The following KCNJ2 variants were observed in gnomAD, a reference collection of about 807,000 sequenced individuals.
KCNJ2 encodes the protein inward rectifier potassium channel 2.
A neutral mutation model predicts 28.4 loss-of-function variants in KCNJ2; 12 were observed. The ratio of observed to expected loss-of-function variants is 0.42; its 90% CI spans 0.27 to 0.68. KCNJ2 has a LOEUF of 0.68. KCNJ2 is among the 30% of genes least tolerant of loss of function. The probability of loss-of-function intolerance (pLI) is 0.23; values close to 1 mark genes in which losing one functional copy is unlikely to be tolerated. For synonymous variants in KCNJ2, 200 were observed against 203.2 expected (o/e 0.98, Z 0.13); for missense variants, 320 against 551.3 (o/e 0.58, Z 4.20).
rs1019333927 is a variant in KCNJ2 at position 70,178,254 on chromosome 17, ATTT to A, written c.*1934_*1936del. Reference sequence around the variant, plus strand: ...ATGCCGTGCCTGCAAAACTATGACAATTTTTGCTGTTTTCAGCCTTCAGATTTG... The same window carrying A: ...ATGCCGTGCCTGCAAAACTATGACAATTGCTGTTTTCAGCCTTCAGATTTG... On this transcript the variant is annotated 3_prime_UTR_variant, in exon 2 of 2. Transcript: ENST00000243457. 2 of 166,590 alleles carry A rather than the reference ATTT, an allele frequency of 1.2e-5. No individual in the cohort carries two copies. The highest frequency in any genetic ancestry group is 2.9e-5 in the Non-Finnish European group (2 of 68,034). The allele number at this position is 166,590 out of a possible 1,614,324, so 10.3% of individuals were successfully genotyped here. A position where few individuals can be genotyped will look rare whatever the true frequency, so the allele number is the denominator to read the frequency against.
Position 70,175,938 on chromosome 17 carries a change from G to C in KCNJ2, c.899G>C (p.Gly300Ala), listed in dbSNP as rs104894579. The change falls in exon 2 of 2, where the codon GGC (glycine) becomes GCC (alanine). Residue 300 changes from glycine to alanine, a missense_variant. Gly to Ala is a moderately conservative substitution (Grantham distance 60). This residue lies in a region of KCNJ2 where 155 missense variants were observed against 231.6 expected (regional missense o/e 0.67). Transcript: ENST00000243457. The surrounding 1 kb of genome is among the most constrained non-coding windows in gnomAD (Gnocchi z 8.3). ...ADFEIVVILE[G>A]MVEATAMTTQ... ...TTTGAAATCGTGGTCATACTGGAAG[G>C]CATGGTGGAAGCCACTGCCATGACG... 1 of 1,614,098 alleles carries C rather than the reference G, an allele frequency of 6.2e-7. No homozygotes were observed. Among genetic ancestry groups the C allele is most frequent in the Non-Finnish European group, 8.5e-7 (1 of 1,180,026 alleles).
Position 70,177,555 on chromosome 17 carries a change from T to C in KCNJ2, c.*1232T>C. ...ACTGTCAGGACATCACCAGCCCACC[T>C]TCACCTTAGGGAAGATGCCACACCT... is the stretch of plus-strand genomic sequence containing the variant. On this transcript the variant is annotated 3_prime_UTR_variant, in exon 2 of 2. Transcript: ENST00000243457. 1 of 167,344 alleles carries C rather than the reference T, an allele frequency of 6.0e-6. No individual in the cohort carries two copies. 10.4% of individuals were successfully genotyped at this position (167,344 alleles called of 1,614,324 possible).
At chr17:70,173,805 A>G (rs2074377224) in intron 1 of KCNJ2, among the ~76,000 whole-genome samples, 1 of 152,172 alleles carries the variant, frequency 6.6e-6, no homozygotes, top group African/African-American at 2.4e-5. Flanking sequence ...ACATGAAATG[A>G]GTTCCTGCCT....
In KCNJ2 at chr17:70,169,647, G is replaced by C. The variant is rs933483316; in HGVS notation, c.-271G>C. On this transcript the variant is annotated 5_prime_UTR_variant, in exon 1 of 2. An upstream start codon of the reference 5' UTR is lost. Transcript: ENST00000243457. ...TTTTACAAACCACTGGATCTTACATGCCTCTGTACCCCCCACTTCCACTCC... is the reference window on the plus strand; with the variant it reads ...TTTTACAAACCACTGGATCTTACATCCCTCTGTACCCCCCACTTCCACTCC... The C allele has an allele frequency of 6.6e-6, 1 of 152,458 alleles. No individual in the cohort carries two copies. The highest frequency in any genetic ancestry group is 2.4e-5 in the African/African-American group (1 of 41,472). The allele number at this position is 152,458 out of a possible 1,614,324, so 9.4% of individuals were successfully genotyped here. A position where few individuals can be genotyped will look rare whatever the true frequency, so the allele number is the denominator to read the frequency against.
At position 70,177,730 on chromosome 17, in the gene KCNJ2, A is replaced by G. The variant is rs559939163; in HGVS notation, c.*1407A>G. ...GATCAAGTGCTTAGGAAGGAGAGGA[A>G]ACTTGCCTTTTTTATGGCAGAGGAT... On this transcript the variant is annotated 3_prime_UTR_variant, in exon 2 of 2. Coordinates refer to ENST00000243457, the MANE Select transcript of KCNJ2 (RefSeq NM_000891.3). The G allele has an allele frequency of 4.8e-5, 8 of 167,238 alleles. No individual in the cohort carries two copies. The highest frequency in any genetic ancestry group is 1.9e-4 in the African/African-American group (8 of 41,584). The allele number at this position is 167,238 out of a possible 1,614,324, so 10.4% of individuals were successfully genotyped here.
rs2074390355 is a variant in KCNJ2 at position 70,175,984 on chromosome 17, T to C, written c.945T>C (p.Tyr315=). Residue 315 remains tyrosine (Y), a synonymous_variant, in exon 2 of 2, where the codon TAT becomes TAC. Coordinates refer to ENST00000243457, the MANE Select transcript of KCNJ2 (RefSeq NM_000891.3). The surrounding 1 kb of genome is among the most constrained non-coding windows in gnomAD (Gnocchi z 8.3). The part of the protein sequence containing the change: ...TAMTTQCRSS[Y]LANEILWGHR... Reference sequence around the variant, plus strand: ...TGACGACACAGTGCCGTAGCTCTTATCTAGCAAATGAAATCCTGTGGGGCC... The same window carrying C: ...TGACGACACAGTGCCGTAGCTCTTACCTAGCAAATGAAATCCTGTGGGGCC... 53 of 1,614,004 alleles carry C rather than the reference T, an allele frequency of 3.3e-5. No homozygotes were observed. Among genetic ancestry groups the C allele is most frequent in the Non-Finnish European group, 4.4e-5 (52 of 1,180,028 alleles).
At position 70,176,410 on chromosome 17, in the gene KCNJ2, G is replaced by A; in HGVS notation, c.*87G>A. 1 of 1,197,998 alleles carries A rather than the reference G, an allele frequency of 8.3e-7. No homozygotes were observed. The highest frequency in any genetic ancestry group is 1.2e-5 in the South Asian group (1 of 81,462). The allele number at this position is 1,197,998 out of a possible 1,614,324, so 74.2% of individuals were successfully genotyped here. A position where few individuals can be genotyped will look rare whatever the true frequency, so the allele number is the denominator to read the frequency against. Reference sequence around the variant, plus strand: ...AACAGTTATACAGATGACGGTACTGGTCAAGATGGGTCAAGCAAGCGGCCA... The same window carrying A: ...AACAGTTATACAGATGACGGTACTGATCAAGATGGGTCAAGCAAGCGGCCA... On this transcript the variant is annotated 3_prime_UTR_variant, in exon 2 of 2. Transcript: ENST00000243457.
intron 1 of KCNJ2, among the ~76,000 whole-genome samples, chr17:70,172,596 T>C (rs1182238699): frequency 6.6e-6 from 1 of 152,218 alleles, no homozygotes. Context: ...CATATGGTTG[T>C]TATGTTTTAA....
rs570052351 is a variant in KCNJ2, at chr17:70,176,982, C to T, written c.*659C>T. ...CTCTGGGTTGTTGTTTTTTTCTTTTCCTCCATGATGTTAATGGGTTATCTC... is the reference window on the plus strand; with the variant it reads ...CTCTGGGTTGTTGTTTTTTTCTTTTTCTCCATGATGTTAATGGGTTATCTC... On this transcript the variant is annotated 3_prime_UTR_variant, in exon 2 of 2. Transcript: ENST00000243457. The T allele has an allele frequency of 1.8e-5, 3 of 167,240 alleles. No individual in the cohort carries two copies. The highest frequency in any genetic ancestry group is 2.9e-5 in the Non-Finnish European group (2 of 68,632). The allele number at this position is 167,240 out of a possible 1,614,324, so 10.4% of individuals were successfully genotyped here. A position where few individuals can be genotyped will look rare whatever the true frequency, so the allele number is the denominator to read the frequency against.
In KCNJ2 at chr17:70,176,304, G is replaced by A. The variant is rs199473390; in HGVS notation, c.1265G>A (p.Arg422Gln). 1.2e-6 allele frequency: 2 copies of A among 1,613,910 alleles called. No homozygotes were observed. The highest frequency in any genetic ancestry group is 1.7e-5 in the Admixed American group (1 of 59,994). The change falls in exon 2 of 2, where the codon CGG becomes CAG. Residue 422 changes from arginine to glutamine, a missense_variant. Arg to Gln is a conservative substitution (Grantham distance 43). Transcript: ENST00000243457. ...GTACCTCTAGAGCCCAGGCCCTTAC[G>A]GCGAGAGTCGGAGATATGACTGACT... ...ASVPLEPRPLRRESEI is the reference protein window; with the variant it reads ...ASVPLEPRPLQRESEI
At position 70,176,576 on chromosome 17, in the gene KCNJ2, G is replaced by A. The variant is rs1567823425; in HGVS notation, c.*253G>A. The A allele has an allele frequency of 5.5e-6, 3 of 543,550 alleles. No individual in the cohort carries two copies. Among genetic ancestry groups the A allele is most frequent in the East Asian group, 6.7e-5 (2 of 29,974 alleles). The allele number at this position is 543,550 out of a possible 1,614,324, so 33.7% of individuals were successfully genotyped here. On this transcript the variant is annotated 3_prime_UTR_variant, in exon 2 of 2. Transcript: ENST00000243457. Reference sequence around the variant, plus strand: ...GTTATGGGTTTTTATGTTTTGTTTTGTGTTTTTCCAAAACTTGAACTTGCA... The same window carrying A: ...GTTATGGGTTTTTATGTTTTGTTTTATGTTTTTCCAAAACTTGAACTTGCA...
chr17:70,170,258 C>A (rs1327696719), intron 1 of KCNJ2, among the ~76,000 whole-genome samples: 3 of 151,920 alleles, frequency 2.0e-5, no homozygotes, highest in African/African-American at 7.3e-5. Flanking sequence ...GAGCGGGAGC[C>A]CGAGTTGGAT....
At position 70,174,839 on chromosome 17, in the gene KCNJ2, T is replaced by C. The variant is rs1017881094; in HGVS notation, c.-201T>C. On this transcript the variant is annotated 5_prime_UTR_variant, in exon 2 of 2. The change abolishes an upstream ATG in the 5' untranslated region. Transcript: ENST00000243457. ...TTTCTTGCAGGACATGTTCTCTGGA[T>C]GTCAGCTGAGTCATTAAAGTAACTC... 1.6e-6 allele frequency: 1 copy of C among 635,576 alleles called. No individual in the cohort carries two copies. The highest frequency in any genetic ancestry group is 2.4e-5 in the Admixed American group (1 of 41,304). The allele number at this position is 635,576 out of a possible 1,614,324, so 39.4% of individuals were successfully genotyped here.
Position 70,178,295 on chromosome 17 carries a change from A to G in KCNJ2, c.*1972A>G, listed in dbSNP as rs963655677. On this transcript the variant is annotated 3_prime_UTR_variant, in exon 2 of 2. Coordinates refer to ENST00000243457, the MANE Select transcript of KCNJ2 (RefSeq NM_000891.3). ...GCCTTCAGATTTGATGGCTTGGGAA[A>G]CTGAGGTGTTATTTTCAATGAAACA... 3 of 167,006 alleles carry G rather than the reference A, an allele frequency of 1.8e-5. No individual in the cohort carries two copies. Among genetic ancestry groups the G allele is most frequent in the African/African-American group, 7.2e-5 (3 of 41,414 alleles). 10.3% of individuals were successfully genotyped at this position (167,006 alleles called of 1,614,324 possible).
At position 70,177,098 on chromosome 17, in the gene KCNJ2, A is replaced by G. The variant is rs990641007; in HGVS notation, c.*775A>G. On this transcript the variant is annotated 3_prime_UTR_variant, in exon 2 of 2. Transcript: ENST00000243457. Reference sequence around the variant, plus strand: ...TACACTTAAAAGAAAACAAAGCCCCATGGGCTGCCTTGAAATCAAGAGACA... The same window carrying G: ...TACACTTAAAAGAAAACAAAGCCCCGTGGGCTGCCTTGAAATCAAGAGACA... 3 of 167,132 alleles carry G rather than the reference A, an allele frequency of 1.8e-5. No individual in the cohort carries two copies. In the Admixed American group the frequency reaches 2.0e-4, roughly 11 times the overall value. 10.4% of individuals were successfully genotyped at this position (167,132 alleles called of 1,614,324 possible).
chr17:70,173,759 A>C (rs971715042), intron 1 of KCNJ2, among the ~76,000 whole-genome samples: 3 of 152,234 alleles, frequency 2.0e-5, no homozygotes, highest in African/African-American at 7.2e-5. Flanking sequence ...GTCCTTACAC[A>C]GTTGTCTCTG....
At chr17:70,174,101 T>G (rs1251611019) in intron 1 of KCNJ2, among the ~76,000 whole-genome samples, 2 of 152,178 alleles carry the variant, frequency 1.3e-5, no homozygotes, top group Non-Finnish European at 2.9e-5. Flanking sequence ...CATTTCAGAT[T>G]ATTATAAGCA....
chr17:70,178,617 C>T lies in KCNJ2; in HGVS notation c.*2294C>T, dbSNP rs1310421417. On this transcript the variant is annotated 3_prime_UTR_variant, in exon 2 of 2. Coordinates refer to ENST00000243457, the MANE Select transcript of KCNJ2 (RefSeq NM_000891.3). ...GGCTCCCCCTAAACACACAGTGCTG[C>T]CACTTAAAAAGACTTGAGAAATTTG... is the stretch of plus-strand genomic sequence containing the variant. 1 of 156,094 alleles carries T rather than the reference C, an allele frequency of 6.4e-6. No individual in the cohort carries two copies. The highest frequency in any genetic ancestry group is 1.5e-5 in the Non-Finnish European group (1 of 66,448). The allele number at this position is 156,094 out of a possible 1,614,324, so 9.7% of individuals were successfully genotyped here. A position where few individuals can be genotyped will look rare whatever the true frequency, so the allele number is the denominator to read the frequency against.
At chr17:70,174,384 C>T (rs2074380096) in intron 1 of KCNJ2, among the ~76,000 whole-genome samples, 1 of 152,210 alleles carries the variant, frequency 6.6e-6, no homozygotes, top group Admixed American at 6.5e-5. Context: ...ATCAATGCTG[C>T]GTCCACGTGA....
Sources: allele counts gnomAD v4.1 joint callset (sites outside exome capture counted in the v4.1 genomes callset), GRCh38; gene constraint gnomAD v4.1.1; regional missense constraint gnomAD v4.1.1; non-coding constraint Gnocchi (gnomAD v3.1); transcripts MANE v1.5; gene names NCBI Gene and HGNC (gene_info 2026-07-23, HGNC 2026-07-21).